Variants in IL16 observed in about 807,000 individuals in gnomAD.
IL16 encodes the protein interleukin 16.
A neutral mutation model predicts 110.1 loss-of-function variants in IL16; 67 were observed. The observed-to-expected ratio is 0.61, with a 90% CI of 0.50 to 0.75. The LOEUF is 0.75. IL16 is among the 30% of genes least tolerant of loss of function. The pLI is 0.00. For synonymous variants in IL16, 689 were observed against 662.9 expected, an observed-to-expected ratio of 1.04 and a Z score of -0.61; for missense variants, 1,545 against 1,655.0, an observed-to-expected ratio of 0.93 and a Z score of 1.15.
chr15:81,304,791 G>A (rs1373772775), intron 16 of IL16, among the ~76,000 whole-genome samples: 2 of 152,162 alleles, frequency 1.3e-5, no homozygotes, highest in African/African-American at 2.4e-5. Flanking sequence ...ACAGCCTGGG[G>A]ATTCTAACCA....
At chr15:81,214,672 G>A (rs184572937) in intron 1 of IL16, among the ~76,000 whole-genome samples, 5 of 151,968 alleles carry the variant, frequency 3.3e-5, no homozygotes, top group Non-Finnish European at 7.4e-5. Flanking sequence ...TCAACCTCTA[G>A]CAAAATTAGG....
intron 2 of IL16, among the ~76,000 whole-genome samples, chr15:81,258,857 A>G (rs1332584212): frequency 6.6e-6 from 1 of 152,200 alleles, no homozygotes; most frequent in Non-Finnish European, 1.5e-5. Flanking sequence ...TAAAACCAAT[A>G]TAACTCAAGA....
intron 12 of IL16, among the ~76,000 whole-genome samples, chr15:81,293,343 G>T (rs905795937): frequency 1.4e-4 from 21 of 152,224 alleles, no homozygotes; most frequent in African/African-American, 5.1e-4. Flanking sequence ...CAGGGCCCCT[G>T]CAGGGTCTCA....
intron 2 of IL16, among the ~76,000 whole-genome samples, chr15:81,229,176 T>C (rs1289152017): frequency 6.6e-6 from 1 of 152,098 alleles, no homozygotes; most frequent in African/African-American, 2.4e-5. Flanking sequence ...CAGAGGATAA[T>C]GAGGGAGACA....
At chr15:81,299,228 A>T (rs1900136660) in intron 13 of IL16, 152 bp from the exon 14 acceptor site, 1 of 1,235,292 alleles carries the variant, frequency 8.1e-7, no homozygotes. Flanking sequence ...GTCAGGTAAT[A>T]GCACCTGGAG....
At chr15:81,292,061 C>T in intron 11 of IL16, 2 of 436,664 alleles carry the variant, frequency 4.6e-6, no homozygotes, top group South Asian at 1.6e-5. Context: ...AGCTGAGGTG[C>T]ACACCCAACA....
chr15:81,297,967 T>C (rs1900075268), intron 13 of IL16, among the ~76,000 whole-genome samples: 2 of 152,240 alleles, frequency 1.3e-5, no homozygotes, highest in Admixed American at 6.5e-5. Context: ...CTAGCACATC[T>C]CACCCAGAGC....
intron 10 of IL16, among the ~76,000 whole-genome samples, chr15:81,288,851 G>A (rs945194369): frequency 3.9e-5 from 6 of 151,974 alleles, no homozygotes; most frequent in African/African-American, 7.2e-5. Flanking sequence ...GTGTGTGTGC[G>A]TGTGTGTGTA....
chr15:81,275,441 T>G (rs1186931857), intron 6 of IL16, among the ~76,000 whole-genome samples: 413 of 84,388 alleles, frequency 4.9e-3, no homozygotes, highest in Admixed American at 7.2e-3. Flanking sequence ...ATCAAGAGGG[T>G]GGTGGAGAGG....
At chr15:81,203,757 A>G (rs1158019338) in intron 1 of IL16, among the ~76,000 whole-genome samples, 2 of 152,176 alleles carry the variant, frequency 1.3e-5, no homozygotes, top group Non-Finnish European at 2.9e-5. Flanking sequence ...AGGTAGCGTG[A>G]TGCCTCCAAC....
At chr15:81,241,404 C>T (rs1393021091) in intron 2 of IL16, among the ~76,000 whole-genome samples, 1 of 151,858 alleles carries the variant, frequency 6.6e-6, no homozygotes, top group Non-Finnish European at 1.5e-5. Flanking sequence ...ATTAAGCCTA[C>T]CACTTTAATA....
intron 2 of IL16, among the ~76,000 whole-genome samples, chr15:81,246,895 T>TA (rs767535462): frequency 2.6e-5 from 4 of 152,064 alleles, no homozygotes; most frequent in Admixed American, 6.6e-5. Context: ...TTCCTTGTCT[T>TA]TCTTGAGTTG....
Position 81,242,898 on chromosome 15 carries a change from G to T in IL16, c.313-16874G>T, listed in dbSNP as rs150963613. Reference sequence around the variant, plus strand: ...GAAGATATTCTCCTCTAGTCCTAGTGTACTGACAGCTTTTAATCATGATTG... The same window carrying T: ...GAAGATATTCTCCTCTAGTCCTAGTTTACTGACAGCTTTTAATCATGATTG... On this transcript the variant is annotated intron_variant, in intron 2 of 18. Coordinates refer to ENST00000683961, the MANE Select transcript of IL16 (RefSeq NM_172217.5). Among the ~76,000 whole-genome samples, 1,327 of 151,704 alleles carry T rather than the reference G, an allele frequency of 8.7e-3. 9 individuals are homozygous for T. The highest frequency in any genetic ancestry group is 0.039 in the South Asian group (186 of 4,810).
chr15:81,228,287 C>T (rs1382149784), intron 2 of IL16, among the ~76,000 whole-genome samples: 1 of 151,672 alleles, frequency 6.6e-6, no homozygotes, highest in African/African-American at 2.4e-5. Flanking sequence ...ACAAACTTCA[C>T]CTTTTCATCT....
chr15:81,215,706 A>AT (rs1458726105), intron 1 of IL16, among the ~76,000 whole-genome samples: 1 of 152,186 alleles, frequency 6.6e-6, no homozygotes, highest in African/African-American at 2.4e-5. Flanking sequence ...GGAGGGAGGC[A>AT]TAGCTTGTTC....
intron 12 of IL16, chr15:81,295,488 C>T (rs1899941269): frequency 7.8e-7 from 1 of 1,289,542 alleles, no homozygotes; most frequent in Non-Finnish European, 1.0e-6. Context: ...TCATGAATGT[C>T]AACAGATGTC....
chr15:81,261,902 C>G (rs1898172599), intron 3 of IL16, among the ~76,000 whole-genome samples: 1 of 151,938 alleles, frequency 6.6e-6, no homozygotes, highest in Admixed American at 6.6e-5. Flanking sequence ...AACCATGTCT[C>G]TACAAAAAAT....
chr15:81,216,776 T>C (rs1042073687), intron 1 of IL16, among the ~76,000 whole-genome samples: 4 of 152,012 alleles, frequency 2.6e-5, no homozygotes, highest in Non-Finnish European at 4.4e-5. Context: ...GCTGAATAGG[T>C]CTACTGTGCC....
chr15:81,227,480 T>A (rs1187478877), intron 2 of IL16, among the ~76,000 whole-genome samples: 1 of 152,186 alleles, frequency 6.6e-6, no homozygotes, highest in African/African-American at 2.4e-5. Context: ...GGGAACAGCA[T>A]GTGCAAAGAC....
Sources: gnomAD v4.1 joint callset for allele counts (sites outside exome capture counted in the v4.1 genomes callset) on GRCh38, gnomAD v4.1.1 for gene constraint, MANE v1.5 for transcripts, NCBI Gene and HGNC (gene_info 2026-07-23, HGNC 2026-07-21) for gene names.